RAC1: variants seen among roughly 807,000 people sequenced by gnomAD.
RAC1 encodes ras-related C3 botulinum toxin substrate 1.
RAC1 carries 2 observed loss-of-function variants against 25.2 expected under a neutral mutation model. The ratio of observed to expected loss-of-function variants is 0.08; its 90% CI spans 0.03 to 0.25. The LOEUF (loss-of-function observed/expected upper bound fraction) is 0.25, where lower values mean the gene tolerates loss of function less well. RAC1 is among the 10% of genes least tolerant of loss of function. The pLI is 1.00. For synonymous variants in RAC1, 88 were observed against 94.0 expected (o/e 0.94, Z 0.37); for missense variants, 50 against 235.7 (o/e 0.21, Z 5.16).
At chr7:6,382,310 C>G (rs1173502422) in intron 1 of RAC1, among the ~76,000 whole-genome samples, 1 of 152,172 alleles carries the variant, frequency 6.6e-6, no homozygotes, top group African/African-American at 2.4e-5. Flanking sequence ...CACTTTTAGA[C>G]AGCAATATAT....
At chr7:6,389,336 A>T (rs890543823) in intron 2 of RAC1, among the ~76,000 whole-genome samples, 1 of 152,008 alleles carries the variant, frequency 6.6e-6, no homozygotes, top group South Asian at 2.1e-4. Flanking sequence ...GGTTGAAGTT[A>T]TCTAACCGTT....
chr7:6,402,514 A>C lies in RAC1; in HGVS notation c.*68A>C, dbSNP rs999372877. 4 of 1,054,424 alleles carry C rather than the reference A, an allele frequency of 3.8e-6. No individual in the cohort carries two copies. Among genetic ancestry groups the C allele is most frequent in the Non-Finnish European group, 3.6e-6 (3 of 840,006 alleles). 65.3% of individuals were successfully genotyped at this position (1,054,424 alleles called of 1,614,324 possible). Reference sequence around the variant, plus strand: ...TGTACGCTTTGCTCAAAAAAAAACAAAAAAAAAAAACAAAAAAAAAAAACA... The same window carrying C: ...TGTACGCTTTGCTCAAAAAAAAACACAAAAAAAAAACAAAAAAAAAAAACA... On this transcript the variant is annotated 3_prime_UTR_variant, in exon 6 of 6. Coordinates refer to ENST00000348035, the MANE Select transcript of RAC1 (RefSeq NM_006908.5).
intron 3 of RAC1, among the ~76,000 whole-genome samples, chr7:6,397,366 C>G (rs966547458): frequency 6.6e-5 from 10 of 152,024 alleles, no homozygotes; most frequent in African/African-American, 1.9e-4. Flanking sequence ...ACAATCTCGC[C>G]TCACTGCAAC....
intron 3 of RAC1, among the ~76,000 whole-genome samples, chr7:6,397,205 C>T (rs2115209468): frequency 6.9e-6 from 1 of 145,362 alleles, no homozygotes; most frequent in South Asian, 2.2e-4. Flanking sequence ...CGCGCCACTG[C>T]ACTCCAGCCT....
At chr7:6,393,216 A>G (rs1344120455) in intron 3 of RAC1, among the ~76,000 whole-genome samples, 1 of 152,210 alleles carries the variant, frequency 6.6e-6, no homozygotes, top group Non-Finnish European at 1.5e-5. Flanking sequence ...GGGTGAAATA[A>G]CTTAGTGGTT....
chr7:6,393,818 G>A (rs1305503754), intron 3 of RAC1, among the ~76,000 whole-genome samples: 1 of 152,156 alleles, frequency 6.6e-6, no homozygotes, highest in Non-Finnish European at 1.5e-5. Flanking sequence ...AGAGGGGCGA[G>A]CACCCACCCA....
intron 1 of RAC1, among the ~76,000 whole-genome samples, chr7:6,381,623 A>G (rs1054845668): frequency 1.3e-5 from 2 of 151,990 alleles, no homozygotes; most frequent in African/African-American, 4.8e-5. Flanking sequence ...TTGAACTCCT[A>G]AGGTCAGACA....
Position 6,374,702 on chromosome 7 carries a change from T to C in RAC1, c.-34T>C. The C allele has an allele frequency of 9.2e-7, 1 of 1,086,644 alleles. No homozygotes were observed. The allele number at this position is 1,086,644 out of a possible 1,614,324, so 67.3% of individuals were successfully genotyped here. On this transcript the variant is annotated 5_prime_UTR_variant, in exon 1 of 6. Transcript: ENST00000348035. ...CCCGCCGCTTCCTATCTCAGCGCCC[T>C]GCCGCCGCCGCCGCGGCCCAGCGAG... is the stretch of plus-strand genomic sequence containing the variant.
At chr7:6,383,303 A>G (rs1255052235) in intron 1 of RAC1, among the ~76,000 whole-genome samples, 6 of 152,266 alleles carry the variant, frequency 3.9e-5, no homozygotes, top group Admixed American at 3.9e-4. Flanking sequence ...GAATGAATAT[A>G]CACTAATAGG....
chr7:6,397,505 G>A (rs938653062), intron 3 of RAC1, among the ~76,000 whole-genome samples: 2 of 151,960 alleles, frequency 1.3e-5, no homozygotes, highest in Admixed American at 1.3e-4. Flanking sequence ...ATCTTGGCCA[G>A]GTTGGCCTTG....
chr7:6,392,432 C>G (rs1033490900), intron 3 of RAC1, among the ~76,000 whole-genome samples: 1 of 152,158 alleles, frequency 6.6e-6, no homozygotes, highest in African/African-American at 2.4e-5. Flanking sequence ...AAGTTAGTAA[C>G]TAATCTCACA....
intron 3 of RAC1, among the ~76,000 whole-genome samples, chr7:6,399,265 G>T (rs1562469850): frequency 6.6e-6 from 1 of 152,220 alleles, no homozygotes; most frequent in Admixed American, 6.5e-5. Flanking sequence ...TTCCCTTTCA[G>T]GTACAAGGTA....
At chr7:6,391,100 G>A (rs966969612) in intron 2 of RAC1, among the ~76,000 whole-genome samples, 1 of 152,140 alleles carries the variant, frequency 6.6e-6, no homozygotes, top group African/African-American at 2.4e-5. Context: ...GTTTCGTCAT[G>A]TTGGCCAGGC....
At chr7:6,380,585 G>A (rs1713861946) in intron 1 of RAC1, among the ~76,000 whole-genome samples, 1 of 152,164 alleles carries the variant, frequency 6.6e-6, no homozygotes, top group South Asian at 2.1e-4. Context: ...TAAAATTGTA[G>A]TCTTCCTTGA....
chr7:6,398,733 C>T (rs1783316452), intron 3 of RAC1: 1 of 1,610,052 alleles, frequency 6.2e-7, no homozygotes. Context: ...GTAAAACTTT[C>T]AGTCCACTTC....
chr7:6,377,680 C>T (rs576802443), intron 1 of RAC1, among the ~76,000 whole-genome samples: 2 of 152,204 alleles, frequency 1.3e-5, no homozygotes, highest in East Asian at 1.9e-4. Context: ...TTTGGGAGGC[C>T]GAGGTGGGCG....
At position 6,403,225 on chromosome 7, in the gene RAC1, G is replaced by C. The variant is rs1230668599; in HGVS notation, c.*779G>C. 5 of 220,106 alleles carry C rather than the reference G, an allele frequency of 2.3e-5. No individual in the cohort carries two copies. The South Asian group carries it at 9.2e-4, about 41-fold the overall frequency. 13.6% of individuals were successfully genotyped at this position (220,106 alleles called of 1,614,324 possible). On this transcript the variant is annotated 3_prime_UTR_variant, in exon 6 of 6. Transcript: ENST00000348035. Reference sequence around the variant, plus strand: ...ATTGTACAAGGAATGAAAGTGTCACGGGTAAAAACTCTAAAAGGTTAATTT... The same window carrying C: ...ATTGTACAAGGAATGAAAGTGTCACCGGTAAAAACTCTAAAAGGTTAATTT...
At chr7:6,391,051 C>T (rs1162370451) in intron 2 of RAC1, among the ~76,000 whole-genome samples, 2 of 152,072 alleles carry the variant, frequency 1.3e-5, no homozygotes, top group Admixed American at 6.6e-5. Context: ...TGCCTGTCAC[C>T]ACGCCCTGGC....
At chr7:6,397,988 CAAA>C (rs879715660) in intron 3 of RAC1, among the ~76,000 whole-genome samples, 1 of 152,196 alleles carries the variant, frequency 6.6e-6, no homozygotes, top group African/African-American at 2.4e-5. Context: ...GACTCCGTCT[CAAA>C]AACGCTTGTC....
Sources: gnomAD v4.1 joint callset for allele counts (sites outside exome capture counted in the v4.1 genomes callset) on GRCh38, gnomAD v4.1.1 for gene constraint, MANE v1.5 for transcripts, NCBI Gene and HGNC (gene_info 2026-07-23, HGNC 2026-07-21) for gene names.